Variants in ANKRD55 observed in about 807,000 individuals in gnomAD.
ANKRD55 encodes the protein ankyrin repeat domain-containing protein 55.
In ANKRD55, 41 loss-of-function variants were observed where a neutral mutation model predicts 60.6. The ratio of observed to expected loss-of-function variants is 0.68; its 90% CI spans 0.53 to 0.88. The LOEUF (loss-of-function observed/expected upper bound fraction) is 0.88, where lower values mean the gene tolerates loss of function less well. Ranked by LOEUF, ANKRD55 falls within the 40% of genes least tolerant of loss-of-function variation. The probability of loss-of-function intolerance (pLI) is 0.00; values close to 1 mark genes in which losing one functional copy is unlikely to be tolerated. For missense variants in ANKRD55, 732 were observed against 767.6 expected (o/e 0.95, Z 0.55); for synonymous variants, 264 against 290.3 (o/e 0.91, Z 0.92).
intron 2 of ANKRD55, among the ~76,000 whole-genome samples, chr5:56,216,737 A>G (rs1484717223): frequency 6.6e-6 from 1 of 152,222 alleles, no homozygotes; most frequent in African/African-American, 2.4e-5. Flanking sequence ...CTCCAAGTCC[A>G]TGAAGTCTGA....
intron 5 of ANKRD55, among the ~76,000 whole-genome samples, chr5:56,168,150 T>C (rs373808850): frequency 6.6e-6 from 1 of 152,180 alleles, no homozygotes; most frequent in Non-Finnish European, 1.5e-5. Context: ...ATTGATGGAA[T>C]ATGAGCAGAA....
chr5:56,231,445 A>C (rs1760249436), intron 2 of ANKRD55, among the ~76,000 whole-genome samples: 1 of 152,206 alleles, frequency 6.6e-6, no homozygotes, highest in African/African-American at 2.4e-5. Context: ...TCAAAAATAA[A>C]CCCATTGTAT....
At chr5:56,222,003 C>T (rs759871469) in intron 2 of ANKRD55, among the ~76,000 whole-genome samples, 1 of 152,210 alleles carries the variant, frequency 6.6e-6, no homozygotes, top group Non-Finnish European at 1.5e-5. Context: ...AGTAGTGGTT[C>T]TCCCAGCACG....
chr5:56,139,972 G>A (rs1478894148), intron 7 of ANKRD55, among the ~76,000 whole-genome samples: 1 of 152,208 alleles, frequency 6.6e-6, no homozygotes, highest in Non-Finnish European at 1.5e-5. Context: ...GGGAGGCCGA[G>A]TGGTAGAATT....
At chr5:56,131,272 C>A (rs2163516) in intron 7 of ANKRD55, among the ~76,000 whole-genome samples, 1 of 151,976 alleles carries the variant, frequency 6.6e-6, no homozygotes, top group African/African-American at 2.4e-5. Flanking sequence ...AAAAGAACAC[C>A]TTACCTATAG....
intron 6 of ANKRD55, among the ~76,000 whole-genome samples, chr5:56,151,869 G>T (rs527418701): frequency 4.7e-4 from 70 of 147,700 alleles, no homozygotes; most frequent in African/African-American, 1.7e-3. Flanking sequence ...GTATATATAC[G>T]TGTGTATATA....
At chr5:56,223,214 A>C (rs1760015655) in intron 2 of ANKRD55, among the ~76,000 whole-genome samples, 1 of 151,970 alleles carries the variant, frequency 6.6e-6, no homozygotes, top group African/African-American at 2.4e-5. Context: ...TTCTTAAAGA[A>C]AAGAATTTTC....
intron 7 of ANKRD55, 39 bp downstream of exon 7, chr5:56,143,762 C>T (rs1429386895): frequency 1.2e-6 from 2 of 1,611,564 alleles, no homozygotes; most frequent in Non-Finnish European, 1.7e-6. Flanking sequence ...TGCTTTCCAC[C>T]ATTTAAACCT....
intron 2 of ANKRD55, among the ~76,000 whole-genome samples, chr5:56,213,663 A>G (rs1389829156): frequency 3.3e-5 from 5 of 152,248 alleles, no homozygotes; most frequent in Non-Finnish European, 5.9e-5. Context: ...TGAGACTAGC[A>G]TGGCAGATGG....
At chr5:56,118,026 C>A (rs1346225803) in intron 8 of ANKRD55, among the ~76,000 whole-genome samples, 2 of 151,946 alleles carry the variant, frequency 1.3e-5, no homozygotes, top group Non-Finnish European at 2.9e-5. Context: ...GCCTGTAGTC[C>A]CAGCTACTCA....
intron 9 of ANKRD55, among the ~76,000 whole-genome samples, chr5:56,116,181 A>C (rs1002943498): frequency 2.6e-5 from 4 of 152,136 alleles, no homozygotes; most frequent in Non-Finnish European, 4.4e-5. Flanking sequence ...TAATGCCATA[A>C]ATATTGACGG....
intron 7 of ANKRD55, among the ~76,000 whole-genome samples, chr5:56,139,863 G>A (rs927178423): frequency 2.0e-5 from 3 of 152,116 alleles, no homozygotes; most frequent in Admixed American, 1.3e-4. Context: ...CTTGAGTCCA[G>A]GAGTTCAAGA....
Position 56,099,966 on chromosome 5 carries a change from C to G in ANKRD55, c.*217G>C. 1 of 537,858 alleles carries G rather than the reference C, an allele frequency of 1.9e-6. No homozygotes were observed. The highest frequency in any genetic ancestry group is 2.8e-5 in the South Asian group (1 of 36,254). 33.3% of individuals were successfully genotyped at this position (537,858 alleles called of 1,614,324 possible). A position where few individuals can be genotyped will look rare whatever the true frequency, so the allele number is the denominator to read the frequency against. On this transcript the variant is annotated 3_prime_UTR_variant, in exon 12 of 12. Coordinates refer to ENST00000341048, the MANE Select transcript of ANKRD55 (RefSeq NM_024669.3). The stretch of plus-strand genomic sequence containing the variant: ...TCTTTTAATTTTGGCATGTGGAAGT[C>G]ACAGAAATTCACAGACTTAATATGC...
chr5:56,174,497 G>A (rs1409793363), intron 4 of ANKRD55, among the ~76,000 whole-genome samples: 1 of 152,168 alleles, frequency 6.6e-6, no homozygotes, highest in Non-Finnish European at 1.5e-5. Flanking sequence ...GGGGCTAGGA[G>A]GACAGCCATA....
At chr5:56,100,355 G>A (rs770978359) in intron 11 of ANKRD55, 51 bp from the exon 12 acceptor site, 2 of 1,609,016 alleles carry the variant, frequency 1.2e-6, no homozygotes, top group South Asian at 1.1e-5. Flanking sequence ...TTCTCTAACA[G>A]GAAGGCGGCA....
chr5:56,166,119 T>TTTCTTTCTTTCA (rs1758456634), intron 5 of ANKRD55, among the ~76,000 whole-genome samples: 1 of 57,606 alleles, frequency 1.7e-5, no homozygotes, highest in Admixed American at 1.8e-4. Flanking sequence ...TCTTTCTTTC[T>TTTCTTTCTTTCA]TTCTTTCTTT....
rs1262866272 is a variant in ANKRD55 at position 56,207,317 on chromosome 5, T to A, written c.59-23683A>T. On this transcript the variant is annotated intron_variant, in intron 2 of 11. Transcript: ENST00000341048. ...GAGAATGGAGAAATCCTTGTTGATC[T>A]GAGGGCATAGAAAGATTTTAACATT... is the stretch of plus-strand genomic sequence containing the variant. 5.3e-5 allele frequency among the ~76,000 whole-genome samples: 8 copies of A among 152,358 alleles called. No homozygotes were observed. The East Asian group carries it at 1.5e-3, about 29-fold the overall frequency.
At chr5:56,102,459 T>C in intron 11 of ANKRD55, 35 bp downstream of exon 11, 1 of 1,443,942 alleles carries the variant, frequency 6.9e-7, no homozygotes, top group Non-Finnish European at 9.7e-7. Context: ...TGTTAACACT[T>C]GCAAAGGAAG....
intron 4 of ANKRD55, among the ~76,000 whole-genome samples, chr5:56,171,061 C>T (rs1054357422): frequency 4.6e-5 from 7 of 152,190 alleles, no homozygotes; most frequent in African/African-American, 1.7e-4. Flanking sequence ...CCATCTCCCC[C>T]TCCCCATTTC....
Sources: allele counts gnomAD v4.1 joint callset (sites outside exome capture counted in the v4.1 genomes callset), GRCh38; gene constraint gnomAD v4.1.1; transcripts MANE v1.5; gene names NCBI Gene and HGNC (gene_info 2026-07-23, HGNC 2026-07-21).